The following TOX2 variants were observed in gnomAD, a reference collection of about 807,000 sequenced individuals.
The protein encoded by TOX2 is granulosa cell HMG box 1.
TOX2 carries 15 observed loss-of-function variants against 47.4 expected under a neutral mutation model. The ratio of observed to expected loss-of-function variants is 0.32; its 90% CI spans 0.21 to 0.49. The LOEUF (loss-of-function observed/expected upper bound fraction) is 0.49. Ranked by LOEUF, TOX2 falls within the 20% of genes least tolerant of loss-of-function variation. TOX2 has a pLI of 0.99. For missense variants in TOX2, 622 were observed against 673.1 expected (o/e 0.92, Z 0.84); for synonymous variants, 290 against 296.6 (o/e 0.98, Z 0.23).
chr20:43,988,933 A>G (rs1258890116), intron 2 of TOX2, among the ~76,000 whole-genome samples: 1 of 152,186 alleles, frequency 6.6e-6, no homozygotes, highest in African/African-American at 2.4e-5. Context: ...CTAATTTATT[A>G]TGTGACCTTG....
chr20:43,950,744 C>G (rs922286816), intron 1 of TOX2, among the ~76,000 whole-genome samples: 2 of 152,054 alleles, frequency 1.3e-5, no homozygotes, highest in Non-Finnish European at 2.9e-5. Flanking sequence ...CTCACCTGCT[C>G]AACTCTTTCT....
At chr20:44,007,131 C>T (rs2070698810) in intron 3 of TOX2, 2 of 287,612 alleles carry the variant, frequency 7.0e-6, no homozygotes, top group African/African-American at 2.2e-5. Flanking sequence ...ATTTATATTC[C>T]ATACAATTCA....
chr20:43,933,147 C>T (rs377541039), intron 1 of TOX2, among the ~76,000 whole-genome samples: 61 of 152,338 alleles, frequency 4.0e-4, no homozygotes, highest in East Asian at 2.9e-3. Context: ...AAGGGGACCA[C>T]GTTGACCCCC....
chr20:44,026,700 A>G (rs2071073664), intron 3 of TOX2, among the ~76,000 whole-genome samples: 1 of 151,944 alleles, frequency 6.6e-6, no homozygotes, highest in South Asian at 2.1e-4. Flanking sequence ...ACCTCCCCAC[A>G]CCCCCTTCAT....
Position 44,066,026 on chromosome 20 carries a change from AG to A in TOX2, c.1276del (p.Ala426ProfsTer19). On this transcript the variant is annotated frameshift_variant, in exon 7 of 9. Coordinates refer to ENST00000341197, the MANE Select transcript of TOX2 (RefSeq NM_001098797.2). LOFTEE classifies it high-confidence loss of function. ...TCAGTCCACCTGTTAGCATGTCCCC[AG>A]CCCCCCAGCCCCCTGTCCTGCCCAC... ...LLSPPVSMSP[A>X]PQPPVLPTPM... 1 of 1,601,488 alleles carries A rather than the reference AG, an allele frequency of 6.2e-7. No individual in the cohort carries two copies. Among genetic ancestry groups the A allele is most frequent in the Non-Finnish European group, 8.5e-7 (1 of 1,174,714 alleles).
At chr20:43,954,261 A>G (rs955306549) in intron 1 of TOX2, among the ~76,000 whole-genome samples, 2 of 152,040 alleles carry the variant, frequency 1.3e-5, no homozygotes, top group Non-Finnish European at 2.9e-5. Flanking sequence ...CCCACCCACT[A>G]CTTGTTGCCT....
At chr20:43,993,251 G>T (rs933799074) in intron 2 of TOX2, among the ~76,000 whole-genome samples, 1 of 152,174 alleles carries the variant, frequency 6.6e-6, no homozygotes, top group Non-Finnish European at 1.5e-5. Flanking sequence ...TCAGTTTTGT[G>T]TGTGGAACCT....
intron 1 of TOX2, chr20:43,945,791 C>A: frequency 1.4e-6 from 2 of 1,401,168 alleles, no homozygotes. Context: ...TTCCATTTCA[C>A]CTTATACGAA....
intron 1 of TOX2, chr20:43,946,066 GA>G: frequency 6.2e-7 from 1 of 1,611,590 alleles, no homozygotes; most frequent in Non-Finnish European, 8.5e-7. Context: ...ACCGCCCCAT[GA>G]GGTGGAGGTG....
At chr20:44,049,086 C>A (rs540777251) in intron 3 of TOX2, among the ~76,000 whole-genome samples, 1 of 152,170 alleles carries the variant, frequency 6.6e-6, no homozygotes. Context: ...CCAGCCTGCG[C>A]GATGCAGCAC....
chr20:44,051,587 T>C (rs1600786592), intron 4 of TOX2, 42 bp downstream of exon 4: 2 of 1,530,952 alleles, frequency 1.3e-6, no homozygotes, highest in East Asian at 2.3e-5. Flanking sequence ...TGCCCTCCTG[T>C]CGGCAGGGAA....
intron 5 of TOX2, among the ~76,000 whole-genome samples, chr20:44,054,993 C>A (rs929260216): frequency 6.6e-6 from 1 of 152,204 alleles, no homozygotes; most frequent in Non-Finnish European, 1.5e-5. Flanking sequence ...ACTCTCTGAG[C>A]CTCGGTTTTC....
intron 1 of TOX2, among the ~76,000 whole-genome samples, chr20:43,956,918 G>T (rs1212260296): frequency 6.6e-6 from 1 of 151,932 alleles, no homozygotes; most frequent in East Asian, 1.9e-4. Flanking sequence ...TTGTCTGTTG[G>T]CATCTTGCTT....
At chr20:43,955,276 A>T in intron 1 of TOX2, 1 of 985,460 alleles carries the variant, frequency 1.0e-6, no homozygotes, top group Non-Finnish European at 1.2e-6. Flanking sequence ...TGTGCATGTG[A>T]GTAGCTGCTG....
At chr20:44,062,244 C>CTT (rs1482680598) in intron 5 of TOX2, among the ~76,000 whole-genome samples, 1 of 152,054 alleles carries the variant, frequency 6.6e-6, no homozygotes, top group Non-Finnish European at 1.5e-5. Flanking sequence ...GCTCCTAGAA[C>CTT]TGGTAAATGA....
Position 43,928,988 on chromosome 20 carries a change from A to AAAAAAAC in TOX2, c.99+14004_99+14005insCAAAAAA, listed in dbSNP as rs1569005025. On this transcript the variant is annotated intron_variant, in intron 1 of 8. Coordinates refer to ENST00000341197, the MANE Select transcript of TOX2 (RefSeq NM_001098797.2). ...TGTCTCTACTAAAAATATGAAAAAA[A>AAAAAAAC]AAAAAAAAAAACAACAACAAAAAAA... 6.7e-5 allele frequency among the ~76,000 whole-genome samples: 10 copies of AAAAAAAC among 150,332 alleles called. 1 individual carries two copies. The highest frequency in any genetic ancestry group is 3.4e-3 in the Middle Eastern group (1 of 292).
chr20:44,005,688 C>A (rs1261441032), intron 2 of TOX2, among the ~76,000 whole-genome samples: 1 of 152,156 alleles, frequency 6.6e-6, no homozygotes, highest in Non-Finnish European at 1.5e-5. Flanking sequence ...GTCATTTGAG[C>A]CTGTCAGTGG....
intron 5 of TOX2, 55 bp from the exon 6 acceptor site, chr20:44,064,722 C>G (rs73613452): frequency 6.5e-7 from 1 of 1,547,450 alleles, no homozygotes. Context: ...GGACCCTGCA[C>G]GGCATCTCCT....
intron 1 of TOX2, among the ~76,000 whole-genome samples, chr20:43,934,489 C>T (rs996597658): frequency 6.6e-6 from 1 of 152,140 alleles, no homozygotes; most frequent in African/African-American, 2.4e-5. Flanking sequence ...CAGGAACATA[C>T]TTTCTCTTCC....
Sources: allele counts gnomAD v4.1 joint callset (sites outside exome capture counted in the v4.1 genomes callset), GRCh38; gene constraint gnomAD v4.1.1; transcripts MANE v1.5; gene names NCBI Gene and HGNC (gene_info 2026-07-23, HGNC 2026-07-21).